GSE1: variants seen among roughly 807,000 people sequenced by gnomAD.
GSE1 encodes genetic suppressor element 1.
Under a neutral mutation model 112.6 loss-of-function variants are expected in GSE1, and 32 were observed. The observed-to-expected ratio is 0.28, with a 90% confidence interval of 0.21 to 0.38. The LOEUF is 0.38. Among genes scored for constraint, GSE1 ranks in the 10% least tolerant of loss-of-function variants. The probability of loss-of-function intolerance (pLI) is 1.00; values close to 1 mark genes in which losing one functional copy is unlikely to be tolerated. For missense variants in GSE1, 2,348 were observed against 1,699.2 expected, an observed-to-expected ratio of 1.38 and a Z score of -6.71; for synonymous variants, 1,115 against 735.6, an observed-to-expected ratio of 1.52 and a Z score of -8.35.
At chr16:85,638,688 C>T (rs1598497845) in intron 2 of GSE1, among the ~76,000 whole-genome samples, 1 of 135,664 alleles carries the variant, frequency 7.4e-6, no homozygotes, top group East Asian at 2.6e-4. Flanking sequence ...CCTAATGCTG[C>T]CTCCTTTCAC....
chr16:85,288,361 C>T (rs1024066096), intron 1 of GSE1, among the ~76,000 whole-genome samples: 1 of 152,192 alleles, frequency 6.6e-6, no homozygotes, highest in African/African-American at 2.4e-5. Context: ...TGGAGGAACT[C>T]GTAGGACAAT....
chr16:85,548,759 C>A (rs1254818793), intron 2 of GSE1, among the ~76,000 whole-genome samples: 3 of 152,134 alleles, frequency 2.0e-5, no homozygotes, highest in African/African-American at 7.2e-5. Context: ...TGAGTTTAGG[C>A]CCACCCTAAT....
chr16:85,215,335 A>G (rs945474441), intron 1 of GSE1, among the ~76,000 whole-genome samples: 2 of 152,168 alleles, frequency 1.3e-5, no homozygotes, highest in Non-Finnish European at 2.9e-5. Flanking sequence ...TCTCACTTGT[A>G]GGTGGGAGCT....
intron 2 of GSE1, among the ~76,000 whole-genome samples, chr16:85,516,880 C>T (rs902428270): frequency 7.3e-5 from 11 of 149,976 alleles, no homozygotes; most frequent in Non-Finnish European, 1.6e-4. Flanking sequence ...TTACTGCAAG[C>T]TCCGCCTCCC....
At chr16:85,332,898 C>A (rs1266698406) in intron 1 of GSE1, among the ~76,000 whole-genome samples, 6 of 152,070 alleles carry the variant, frequency 3.9e-5, no homozygotes, top group Non-Finnish European at 7.4e-5. Flanking sequence ...CACCTCAGAA[C>A]CCCCCTTTAT....
At chr16:85,259,787 C>T (rs955282928) in intron 1 of GSE1, among the ~76,000 whole-genome samples, 11 of 152,192 alleles carry the variant, frequency 7.2e-5, no homozygotes, top group Admixed American at 2.0e-4. Flanking sequence ...CACCCCTGCA[C>T]GACATCCTGC....
At chr16:85,293,375 G>C (rs945191249) in intron 1 of GSE1, among the ~76,000 whole-genome samples, 1 of 151,984 alleles carries the variant, frequency 6.6e-6, no homozygotes. Flanking sequence ...GTGAAACCCT[G>C]TCCCTGCTAA....
chr16:85,489,434 C>T (rs1248140260), intron 2 of GSE1, among the ~76,000 whole-genome samples: 2 of 152,084 alleles, frequency 1.3e-5, no homozygotes, highest in African/African-American at 4.8e-5. Context: ...CTCTGCAGTT[C>T]TCAGAACCGC....
chr16:85,247,020 C>T (rs181950796), intron 1 of GSE1, among the ~76,000 whole-genome samples: 122 of 152,214 alleles, frequency 8.0e-4, no homozygotes, highest in African/African-American at 2.9e-3. Context: ...GGGGCACCGC[C>T]TTCTTCTCTG....
At chr16:85,604,174 CT>C (rs2047583541) in intron 1 of GSE1, among the ~76,000 whole-genome samples, 1 of 152,186 alleles carries the variant, frequency 6.6e-6, no homozygotes, top group African/African-American at 2.4e-5. Flanking sequence ...AGCCACTCCC[CT>C]CTCCCCTCCC....
At chr16:85,385,373 GC>G (rs1421436714) in intron 2 of GSE1, among the ~76,000 whole-genome samples, 1 of 152,156 alleles carries the variant, frequency 6.6e-6, no homozygotes, top group Non-Finnish European at 1.5e-5. Context: ...GTGTGGTATG[GC>G]CCCCACTATT....
At chr16:85,495,044 C>T (rs2051127427) in intron 2 of GSE1, among the ~76,000 whole-genome samples, 1 of 152,224 alleles carries the variant, frequency 6.6e-6, no homozygotes, top group Non-Finnish European at 1.5e-5. Context: ...CTAGGTCAGG[C>T]TGGTAGCCTT....
intron 1 of GSE1, among the ~76,000 whole-genome samples, chr16:85,282,617 C>A (rs2044890056): frequency 6.6e-6 from 1 of 152,222 alleles, no homozygotes. Context: ...GGATCAGGAG[C>A]TGCTCGTTAA....
In GSE1 at chr16:85,665,009, T is replaced by C. The variant is rs758901746; in HGVS notation, c.2645-6T>C. 3 of 1,575,290 alleles carry C rather than the reference T, an allele frequency of 1.9e-6. No individual in the cohort carries two copies. The Admixed American group carries it at 5.0e-5, about 26-fold the overall frequency. On this transcript the variant is annotated splice_region_variant and splice_polypyrimidine_tract_variant and intron_variant, in intron 11 of 15. Coordinates refer to ENST00000253458, the MANE Select transcript of GSE1 (RefSeq NM_014615.5). Reference sequence around the variant, plus strand: ...GCTCGTTAATCTCAGGCTGCTTTTCTCATAGACAAAGAGAGACTTGTTGAA... The same window carrying C: ...GCTCGTTAATCTCAGGCTGCTTTTCCCATAGACAAAGAGAGACTTGTTGAA...
chr16:85,672,113 C>T, intron 15 of GSE1: 1 of 335,346 alleles, frequency 3.0e-6, no homozygotes, highest in Non-Finnish European at 5.9e-6. Flanking sequence ...ATTCTCCTGC[C>T]TCAGCCTCCC....
intron 1 of GSE1, among the ~76,000 whole-genome samples, chr16:85,585,985 C>G (rs2046672470): frequency 6.6e-6 from 1 of 152,182 alleles, no homozygotes; most frequent in African/African-American, 2.4e-5. Flanking sequence ...AATAGAAGAG[C>G]CTGCATCTTG....
chr16:85,274,436 A>G (rs934205197), intron 1 of GSE1, among the ~76,000 whole-genome samples: 9 of 151,138 alleles, frequency 6.0e-5, no homozygotes, highest in African/African-American at 1.9e-4. Context: ...GAAAGAGTGT[A>G]TTGATGTATT....
At chr16:85,252,000 G>C (rs1282051376) in intron 1 of GSE1, among the ~76,000 whole-genome samples, 1 of 152,210 alleles carries the variant, frequency 6.6e-6, no homozygotes, top group African/African-American at 2.4e-5. Context: ...GGAAACGGAG[G>C]CATAGAGAGG....
At chr16:85,393,894 C>A (rs530807288) in intron 2 of GSE1, among the ~76,000 whole-genome samples, 2 of 152,136 alleles carry the variant, frequency 1.3e-5, no homozygotes. Context: ...GGGGGTTGGC[C>A]GCCAGCTTGC....
Sources: gnomAD v4.1 joint callset for allele counts (sites outside exome capture counted in the v4.1 genomes callset) on GRCh38, gnomAD v4.1.1 for gene constraint, MANE v1.5 for transcripts, NCBI Gene and HGNC (gene_info 2026-07-23, HGNC 2026-07-21) for gene names.